Variants in SLC8A3 observed in about 807,000 individuals in gnomAD.
SLC8A3 encodes solute carrier family 8 member A3, also known as sodium/calcium exchanger 3.
A neutral mutation model predicts 65.4 loss-of-function variants in SLC8A3; 37 were observed. The ratio of observed to expected loss-of-function variants is 0.57; its 90% CI spans 0.44 to 0.74. The LOEUF (loss-of-function observed/expected upper bound fraction) is 0.74. SLC8A3 is among the 30% of genes least tolerant of loss of function. The probability of loss-of-function intolerance (pLI) is 0.00; values close to 1 mark genes in which losing one functional copy is unlikely to be tolerated. For synonymous variants in SLC8A3, 461 were observed against 444.5 expected, an observed-to-expected ratio of 1.04 and a Z score of -0.47; for missense variants, 1,112 against 1,172.1, an observed-to-expected ratio of 0.95 and a Z score of 0.75.
chr14:70,058,085 T>C (rs2139798094), intron 3 of SLC8A3, among the ~76,000 whole-genome samples: 1 of 152,340 alleles, frequency 6.6e-6, no homozygotes, highest in Non-Finnish European at 1.5e-5. Flanking sequence ...CCAGAGCTTT[T>C]AATCTCAACT....
intron 2 of SLC8A3, among the ~76,000 whole-genome samples, chr14:70,129,494 A>T (rs1894684319): frequency 6.6e-6 from 1 of 152,226 alleles, no homozygotes; most frequent in Admixed American, 6.5e-5. Context: ...ACATAAGAGA[A>T]AAACAAAGTT....
intron 2 of SLC8A3, among the ~76,000 whole-genome samples, chr14:70,155,314 G>A (rs76517100): frequency 0.049 from 7,447 of 151,986 alleles, 221 homozygotes; most frequent in Middle Eastern, 0.075. Context: ...ACCCTACAGT[G>A]CTACAAAACA....
At chr14:70,129,600 G>T (rs1344727814) in intron 2 of SLC8A3, among the ~76,000 whole-genome samples, 6 of 152,188 alleles carry the variant, frequency 3.9e-5, no homozygotes, top group Admixed American at 6.5e-5. Flanking sequence ...ACCAGGTACT[G>T]TGGAAGAGAT....
intron 1 of SLC8A3, among the ~76,000 whole-genome samples, chr14:70,187,541 G>T (rs1883381578): frequency 6.6e-6 from 1 of 151,732 alleles, no homozygotes. Context: ...GGGTCCTCTG[G>T]GCAGGTCAGC....
At chr14:70,099,761 T>C (rs182186083) in intron 2 of SLC8A3, among the ~76,000 whole-genome samples, 6 of 152,364 alleles carry the variant, frequency 3.9e-5, no homozygotes, top group Non-Finnish European at 7.3e-5. Context: ...AGGAATTATA[T>C]TCAGAATTCC....
chr14:70,157,463 TA>T (rs202227118), intron 2 of SLC8A3, among the ~76,000 whole-genome samples: 9 of 151,328 alleles, frequency 5.9e-5, no homozygotes, highest in South Asian at 2.1e-4. Flanking sequence ...ATGACCAGGT[TA>T]AAAAAAAATC....
chr14:70,137,954 C>T (rs1162399782), intron 2 of SLC8A3, among the ~76,000 whole-genome samples: 1 of 152,170 alleles, frequency 6.6e-6, no homozygotes, highest in Non-Finnish European at 1.5e-5. Context: ...CAATGATTCA[C>T]TTTCACAGTG....
At chr14:70,184,219 A>C (rs908009256) in intron 1 of SLC8A3, among the ~76,000 whole-genome samples, 2 of 152,162 alleles carry the variant, frequency 1.3e-5, no homozygotes, top group African/African-American at 4.8e-5. Context: ...CTGGGTTTCT[A>C]TACAGCTTCC....
intron 2 of SLC8A3, among the ~76,000 whole-genome samples, chr14:70,083,992 G>C (rs1891249858): frequency 6.6e-6 from 1 of 152,136 alleles, no homozygotes. Context: ...ACCTATGTTT[G>C]AGTCATGACT....
At chr14:70,160,999 C>T (rs917046027) in intron 2 of SLC8A3, among the ~76,000 whole-genome samples, 1 of 150,730 alleles carries the variant, frequency 6.6e-6, no homozygotes, top group Non-Finnish European at 1.5e-5. Context: ...AATCCCAGCA[C>T]TTTGGGAGGC....
intron 1 of SLC8A3, among the ~76,000 whole-genome samples, chr14:70,187,628 TGTGTGTGTGTG>T (rs1566843465): frequency 7.5e-5 from 10 of 134,098 alleles, no homozygotes; most frequent in African/African-American, 1.3e-4. Context: ...TGTGTGTGTG[TGTGTGTGTGTG>T]TCCGCGCGCG....
chr14:70,161,477 C>T (rs1469257), intron 2 of SLC8A3, among the ~76,000 whole-genome samples: 150,976 of 152,178 alleles, frequency 0.99, 74,900 homozygotes, highest in East Asian at 1. Context: ...GCCAAGTACA[C>T]AGCTCCACTG....
In SLC8A3 at chr14:70,051,041, C is replaced by T; in HGVS notation, c.2080G>A (p.Asp694Asn). Residue 694 changes from aspartate (D) to asparagine (N), a missense_variant, in exon 5 of 7, where the codon GAC (aspartate) becomes AAC (asparagine). Coordinates refer to ENST00000356921, the MANE Select transcript of SLC8A3 (RefSeq NM_182932.3). ...ALVVGTHSWR[D>N]QFMEAITVSA... Reference sequence around the variant, plus strand: ...ACGGTGATGGCCTCCATGAACTGGTCCCTCCAGGAATGGGTCCCCACAACC... The same window carrying T: ...ACGGTGATGGCCTCCATGAACTGGTTCCTCCAGGAATGGGTCCCCACAACC... 1 of 1,613,436 alleles carries T rather than the reference C, an allele frequency of 6.2e-7. No homozygotes were observed. Among genetic ancestry groups the T allele is most frequent in the Non-Finnish European group, 8.5e-7 (1 of 1,179,438 alleles).
chr14:70,102,514 A>T (rs891282735), intron 2 of SLC8A3, among the ~76,000 whole-genome samples: 2 of 152,188 alleles, frequency 1.3e-5, no homozygotes, highest in Non-Finnish European at 2.9e-5. Flanking sequence ...CTCAATAGAA[A>T]ATAACCCCAA....
chr14:70,070,585 C>A (rs1267917024), intron 2 of SLC8A3, among the ~76,000 whole-genome samples: 1 of 152,156 alleles, frequency 6.6e-6, no homozygotes, highest in South Asian at 2.1e-4. Flanking sequence ...CTGGGGCTGT[C>A]ACAAGTGCTG....
At chr14:70,148,927 C>T (rs1456074195) in intron 2 of SLC8A3, among the ~76,000 whole-genome samples, 1 of 148,460 alleles carries the variant, frequency 6.7e-6, no homozygotes, top group African/African-American at 2.5e-5. Flanking sequence ...TCAGTGATTG[C>T]AATCATGCCT....
intron 2 of SLC8A3, among the ~76,000 whole-genome samples, chr14:70,090,774 G>C (rs1269206559): frequency 6.6e-6 from 1 of 152,184 alleles, no homozygotes; most frequent in African/African-American, 2.4e-5. Context: ...ACTTGTGTGA[G>C]CTGCCCTGGT....
rs1407626885 is a variant in SLC8A3 at position 70,145,297 on chromosome 14, A to G, written c.1784+21342T>C. Among the ~76,000 whole-genome samples, 10 of 152,168 alleles carry G rather than the reference A, an allele frequency of 6.6e-5. No homozygotes were observed. The East Asian group carries it at 1.5e-3, about 23-fold the overall frequency. On this transcript the variant is annotated intron_variant, in intron 2 of 6. Coordinates refer to ENST00000356921, the MANE Select transcript of SLC8A3 (RefSeq NM_182932.3). ...CTACTTCCAAATCCCTTACATATCA[A>G]TTTTACACAAAGCCCCTAAACCTTC...
In SLC8A3 at chr14:70,166,941, T is replaced by C; in HGVS notation, c.1482A>G (p.Pro494=). The change falls in exon 2 of 7, where the codon CCA becomes CCG. Residue 494 remains proline (P), a synonymous_variant. Transcript: ENST00000356921. ...LSNVRIEEEQ[P]EEGMPPAIFN... ...ATATTGCTGGAGGCATCCCCTCCTC[T>C]GGCTGCTCCTCCTCTATGCGGACAT... 3 of 1,614,194 alleles carry C rather than the reference T, an allele frequency of 1.9e-6. No homozygotes were observed. Among genetic ancestry groups the C allele is most frequent in the Non-Finnish European group, 1.7e-6 (2 of 1,180,026 alleles).
Sources: gnomAD v4.1 joint callset for allele counts (sites outside exome capture counted in the v4.1 genomes callset) on GRCh38, gnomAD v4.1.1 for gene constraint, MANE v1.5 for transcripts, NCBI Gene and HGNC (gene_info 2026-07-23, HGNC 2026-07-21) for gene names.